CDKAL1: variants seen among roughly 807,000 people sequenced by gnomAD.
CDKAL1 encodes threonylcarbamoyladenosine tRNA methylthiotransferase.
In CDKAL1, 32 loss-of-function variants were observed where a neutral mutation model predicts 68.2. That is an observed-to-expected ratio of 0.47 (90% CI 0.35 to 0.63). The LOEUF is 0.63. Among genes scored for constraint, CDKAL1 ranks in the 30% least tolerant of loss-of-function variants. CDKAL1 has a pLI of 0.00. For synonymous variants in CDKAL1, 234 were observed against 244.3 expected (o/e 0.96, Z 0.39); for missense variants, 606 against 696.7 (o/e 0.87, Z 1.47).
intron 4 of CDKAL1, among the ~76,000 whole-genome samples, chr6:20,625,877 T>G (rs777546060): frequency 2.0e-5 from 3 of 152,184 alleles, no homozygotes; most frequent in Non-Finnish European, 4.4e-5. Context: ...TTGACCAATT[T>G]TAACTTATTA....
intron 5 of CDKAL1, among the ~76,000 whole-genome samples, chr6:20,709,222 C>T (rs1390743420): frequency 6.6e-6 from 1 of 152,108 alleles, no homozygotes; most frequent in Non-Finnish European, 1.5e-5. Context: ...CTACAGCACA[C>T]CCCTGAACCT....
chr6:20,832,696 T>C (rs1777769175), intron 8 of CDKAL1, among the ~76,000 whole-genome samples: 1 of 152,094 alleles, frequency 6.6e-6, no homozygotes. Flanking sequence ...GATATAAAAT[T>C]ATTTTGGCAA....
At position 20,549,982 on chromosome 6, in the gene CDKAL1, TA is replaced by T. The variant is rs775372816; in HGVS notation, c.286+1280del. Among the ~76,000 whole-genome samples the T allele has an allele frequency of 6.9e-3, 1,005 of 145,924 alleles. 5 individuals carry two copies. Among genetic ancestry groups the T allele is most frequent in the African/African-American group, 0.015 (572 of 38,130 alleles). On this transcript the variant is annotated intron_variant, in intron 4 of 15. Coordinates refer to ENST00000274695, the MANE Select transcript of CDKAL1 (RefSeq NM_017774.3). ...TTCTTCTCCATCTTAATTAATTAAT[TA>T]AATTTTTTTTTTTTAGACAGAGTCT...
intron 13 of CDKAL1, among the ~76,000 whole-genome samples, chr6:21,178,654 T>C (rs1777677137): frequency 6.6e-6 from 1 of 152,242 alleles, no homozygotes; most frequent in Admixed American, 6.5e-5. Context: ...AGTTTCCAAA[T>C]TATAACTTAG....
At chr6:21,024,048 A>G (rs1237888927) in intron 11 of CDKAL1, among the ~76,000 whole-genome samples, 1 of 152,208 alleles carries the variant, frequency 6.6e-6, no homozygotes, top group East Asian at 1.9e-4. Context: ...GATAGAGAGT[A>G]AAATAATGAA....
chr6:21,160,340 C>G (rs1329322645), intron 13 of CDKAL1, among the ~76,000 whole-genome samples: 2 of 151,740 alleles, frequency 1.3e-5, no homozygotes, highest in Non-Finnish European at 2.9e-5. Flanking sequence ...CTCTGTCACC[C>G]AGGCTGGAGT....
At chr6:21,123,813 T>A (rs113552360) in intron 13 of CDKAL1, among the ~76,000 whole-genome samples, 2,491 of 152,308 alleles carry the variant, frequency 0.016, 66 homozygotes, top group African/African-American at 0.057. Flanking sequence ...GCTCTGAAAA[T>A]TTGAGGCAAA....
At chr6:20,643,458 T>C (rs1329679875) in intron 4 of CDKAL1, among the ~76,000 whole-genome samples, 1 of 152,228 alleles carries the variant, frequency 6.6e-6, no homozygotes, top group Admixed American at 6.5e-5. Context: ...TGATAAGAAC[T>C]TGCATTTAAC....
chr6:20,586,854 C>T (rs1765376227), intron 4 of CDKAL1, among the ~76,000 whole-genome samples: 1 of 152,058 alleles, frequency 6.6e-6, no homozygotes, highest in Non-Finnish European at 1.5e-5. Flanking sequence ...AACACCTTTT[C>T]TACTTCTCTT....
chr6:21,180,263 C>G (rs1777738430), intron 13 of CDKAL1, among the ~76,000 whole-genome samples: 1 of 151,896 alleles, frequency 6.6e-6, no homozygotes, highest in Non-Finnish European at 1.5e-5. Context: ...TTTTCTCCAT[C>G]TGATGCTTGA....
At chr6:21,183,720 A>G (rs1777893043) in intron 13 of CDKAL1, among the ~76,000 whole-genome samples, 1 of 152,164 alleles carries the variant, frequency 6.6e-6, no homozygotes. Context: ...TATGTTACCA[A>G]CAATAATCTA....
Position 20,598,011 on chromosome 6 carries a change from T to C in CDKAL1, c.286+49306T>C, listed in dbSNP as rs145661716. Among the ~76,000 whole-genome samples the C allele has an allele frequency of 3.6e-3, 552 of 152,336 alleles. 6 individuals carry two copies. Among genetic ancestry groups the C allele is most frequent in the African/African-American group, 0.013 (531 of 41,576 alleles). Reference sequence around the variant, plus strand: ...GAGTGCTGAGCCAACATTTTCTCTCTCTTTTATCTCCTGTTATTCCCTCCT... The same window carrying C: ...GAGTGCTGAGCCAACATTTTCTCTCCCTTTTATCTCCTGTTATTCCCTCCT... On this transcript the variant is annotated intron_variant, in intron 4 of 15. Transcript: ENST00000274695.
chr6:21,105,957 G>A (rs972889331), intron 12 of CDKAL1, among the ~76,000 whole-genome samples: 2 of 152,178 alleles, frequency 1.3e-5, no homozygotes, highest in Non-Finnish European at 2.9e-5. Flanking sequence ...TTAAATAGAA[G>A]AGAGAAATTC....
chr6:20,777,924 CCT>C (rs1481434810), intron 7 of CDKAL1, among the ~76,000 whole-genome samples: 43 of 152,158 alleles, frequency 2.8e-4, no homozygotes, highest in African/African-American at 9.4e-4. Flanking sequence ...AGTGTCTCTC[CCT>C]GTCACAAAAT....
intron 13 of CDKAL1, among the ~76,000 whole-genome samples, chr6:21,134,155 G>GCCA (rs1219529799): frequency 6.6e-6 from 1 of 152,084 alleles, no homozygotes; most frequent in Non-Finnish European, 1.5e-5. Flanking sequence ...AAAAAGAGGG[G>GCCA]CCAGCAGAGG....
At chr6:21,156,577 G>A (rs752267436) in intron 13 of CDKAL1, among the ~76,000 whole-genome samples, 13 of 151,944 alleles carry the variant, frequency 8.6e-5, no homozygotes, top group Non-Finnish European at 1.8e-4. Flanking sequence ...CTTTTGTAAA[G>A]AAGGGAAAGA....
chr6:21,231,350 C>T lies in CDKAL1; in HGVS notation c.*311C>T, dbSNP rs1582463284. ...TTGTTTCAATCTCTAATCTTTAAGT[C>T]AGAACCTAATTGTACAGTGGCTCTG... On this transcript the variant is annotated 3_prime_UTR_variant, in exon 16 of 16. Coordinates refer to ENST00000274695, the MANE Select transcript of CDKAL1 (RefSeq NM_017774.3). 1.4e-5 allele frequency: 3 copies of T among 217,352 alleles called. No individual in the cohort carries two copies. The highest frequency in any genetic ancestry group is 5.7e-5 in the Admixed American group (1 of 17,490). The allele number at this position is 217,352 out of a possible 1,614,324, so 13.5% of individuals were successfully genotyped here. A position where few individuals can be genotyped will look rare whatever the true frequency, so the allele number is the denominator to read the frequency against.
chr6:20,785,287 A>C (rs1458317998), intron 8 of CDKAL1, among the ~76,000 whole-genome samples: 1 of 150,626 alleles, frequency 6.6e-6, no homozygotes, highest in Non-Finnish European at 1.5e-5. Flanking sequence ...CTATCATTCT[A>C]TAACATATTA....
At chr6:20,729,561 T>C (rs1772811361) in intron 5 of CDKAL1, among the ~76,000 whole-genome samples, 1 of 151,638 alleles carries the variant, frequency 6.6e-6, no homozygotes, top group South Asian at 2.1e-4. Flanking sequence ...TAATTCTCAG[T>C]TTATAAAGTA....
Sources: allele counts gnomAD v4.1 joint callset (sites outside exome capture counted in the v4.1 genomes callset), GRCh38; gene constraint gnomAD v4.1.1; transcripts MANE v1.5; gene names NCBI Gene and HGNC (gene_info 2026-07-23, HGNC 2026-07-21).